The following PCDHGA3 variants were observed in gnomAD, a reference collection of about 807,000 sequenced individuals.
PCDHGA3 encodes the protein protocadherin gamma-A3.
PCDHGA3 carries 40 observed loss-of-function variants against 58.5 expected under a neutral mutation model. The ratio of observed to expected loss-of-function variants is 0.68; its 90% CI spans 0.53 to 0.89. PCDHGA3 has a LOEUF of 0.89. PCDHGA3 is among the 40% of genes least tolerant of loss of function. PCDHGA3 has a pLI of 0.00. For synonymous variants in PCDHGA3, 530 were observed against 525.7 expected (o/e 1.01, Z -0.11); for missense variants, 1,223 against 1,195.9 (o/e 1.02, Z -0.33).
At position 141,477,626 on chromosome 5, in the gene PCDHGA3, G is replaced by A. The variant is rs201987467; in HGVS notation, c.2425-17181G>A. The A allele has an allele frequency of 1.9e-5, 31 of 1,614,052 alleles. No individual in the cohort carries two copies. The highest frequency in any genetic ancestry group is 2.5e-5 in the Non-Finnish European group (30 of 1,180,044). Reference sequence around the variant, plus strand: ...TCTCTTGGAGCAAGGAGCTGAAACCGGGCTAGTGGGTCGCTATTTCACAAT... The same window carrying A: ...TCTCTTGGAGCAAGGAGCTGAAACCAGGCTAGTGGGTCGCTATTTCACAAT... On this transcript the variant is annotated intron_variant, in intron 1 of 3. Transcript: ENST00000253812. This position sits in a 1 kb window ranked among gnomAD's most constrained non-coding sequence, Gnocchi z 4.9.
intron 1 of PCDHGA3, among the ~76,000 whole-genome samples, chr5:141,396,908 C>G (rs987572785): frequency 1.3e-5 from 2 of 152,146 alleles, no homozygotes; most frequent in Admixed American, 6.5e-5. Context: ...TGGCACTTTG[C>G]AATTTTAAAA....
chr5:141,421,149 C>T (rs1030911066), intron 1 of PCDHGA3: 1 of 1,086,106 alleles, frequency 9.2e-7, no homozygotes, highest in Non-Finnish European at 1.3e-6. Context: ...ATGTAGTCGG[C>T]CTAGGACTTC....
intron 1 of PCDHGA3, chr5:141,403,391 G>GT (rs2154533404): frequency 1.2e-6 from 2 of 1,614,046 alleles, no homozygotes; most frequent in Admixed American, 3.3e-5. Flanking sequence ...CGAAATCGCG[G>GT]TTCCTGGAGC....
intron 1 of PCDHGA3, among the ~76,000 whole-genome samples, chr5:141,466,493 A>G (rs2099123402): frequency 6.6e-6 from 1 of 152,226 alleles, no homozygotes; most frequent in South Asian, 2.1e-4. Context: ...TTCTTTAATT[A>G]GAGCACAGAC....
intron 1 of PCDHGA3, among the ~76,000 whole-genome samples, chr5:141,425,427 A>G (rs925551543): frequency 2.2e-4 from 33 of 152,362 alleles, no homozygotes; most frequent in Non-Finnish European, 4.1e-4. Flanking sequence ...GTCCCATTAA[A>G]TAGAGGATAA....
chr5:141,419,945 T>C (rs2096451536), intron 1 of PCDHGA3: 4 of 1,614,088 alleles, frequency 2.5e-6, no homozygotes, highest in Middle Eastern at 1.6e-4. Context: ...GGTGGTGGCC[T>C]TGGCCTTGAT....
intron 1 of PCDHGA3, chr5:141,355,314 G>C: frequency 6.2e-7 from 1 of 1,613,954 alleles, no homozygotes; most frequent in Non-Finnish European, 8.5e-7. Context: ...TGTTTGAGGA[G>C]CAGGAAGAAG....
Position 141,490,705 on chromosome 5 carries a change from C to T in PCDHGA3, c.2425-4102C>T. 1 of 1,614,194 alleles carries T rather than the reference C, an allele frequency of 6.2e-7. No individual in the cohort carries two copies. Among genetic ancestry groups the T allele is most frequent in the South Asian group, 1.1e-5 (1 of 91,082 alleles). On this transcript the variant is annotated intron_variant, in intron 1 of 3. Coordinates refer to ENST00000253812, the MANE Select transcript of PCDHGA3 (RefSeq NM_018916.4). This position sits in a 1 kb window ranked among gnomAD's most constrained non-coding sequence, Gnocchi z 5.4. ...TCCAGACACTGGGGATAATGCCCGC[C>T]TCACCTACTCCATTGTAGGAAATCA...
At chr5:141,357,830 C>A in intron 1 of PCDHGA3, 1 of 667,688 alleles carries the variant, frequency 1.5e-6, no homozygotes, top group Non-Finnish European at 2.4e-6. Context: ...TTTTGGTCTT[C>A]ATTCAGTTGT....
chr5:141,372,307 C>T, intron 1 of PCDHGA3: 3 of 1,613,452 alleles, frequency 1.9e-6, no homozygotes, highest in Non-Finnish European at 2.5e-6. Context: ...AGGGAGGCCG[C>T]CCGCCAGCGC....
intron 1 of PCDHGA3, chr5:141,394,024 T>C (rs778553318): frequency 6.2e-7 from 1 of 1,613,530 alleles, no homozygotes; most frequent in Non-Finnish European, 8.5e-7. Flanking sequence ...TATTATAGAT[T>C]AGTGACAAGG....
rs144317211 is a variant in PCDHGA3 at position 141,432,088 on chromosome 5, A to G, written c.2425-62719A>G. On this transcript the variant is annotated intron_variant, in intron 1 of 3. Transcript: ENST00000253812. This position sits in a 1 kb window ranked among gnomAD's most constrained non-coding sequence, Gnocchi z 6.0. Reference sequence around the variant, plus strand: ...AAACTCATATCTCGCTGAACGTGGCAGACACCAACGACAACCCGCCGGTCT... The same window carrying G: ...AAACTCATATCTCGCTGAACGTGGCGGACACCAACGACAACCCGCCGGTCT... The G allele has an allele frequency of 6.2e-7, 1 of 1,614,148 alleles. No individual in the cohort carries two copies. Among genetic ancestry groups the G allele is most frequent in the South Asian group, 1.1e-5 (1 of 91,074 alleles).
intron 1 of PCDHGA3, chr5:141,414,379 A>G (rs2095740987): frequency 1.2e-6 from 2 of 1,613,912 alleles, no homozygotes; most frequent in African/African-American, 1.3e-5. Context: ...AGAAAAGTCC[A>G]TTGACAGTTA....
intron 1 of PCDHGA3, chr5:141,403,278 T>C (rs1254967384): frequency 1.2e-6 from 2 of 1,613,784 alleles, no homozygotes; most frequent in Non-Finnish European, 1.7e-6. Context: ...TTTAAAGTCC[T>C]GGTTGAAGAC....
At chr5:141,413,986 A>G (rs1464771336) in intron 1 of PCDHGA3, 1 of 1,613,554 alleles carries the variant, frequency 6.2e-7, no homozygotes, top group Admixed American at 1.7e-5. Flanking sequence ...AGTCACAGCC[A>G]CCGACAGGGA....
chr5:141,443,699 A>G (rs1433844997), intron 1 of PCDHGA3, among the ~76,000 whole-genome samples: 1 of 152,248 alleles, frequency 6.6e-6, no homozygotes, highest in African/African-American at 2.4e-5. Flanking sequence ...AAAATTATAG[A>G]ATAACATTTG....
At chr5:141,488,439 C>G (rs2099675441) in intron 1 of PCDHGA3, among the ~76,000 whole-genome samples, 1 of 152,206 alleles carries the variant, frequency 6.6e-6, no homozygotes, top group African/African-American at 2.4e-5. Context: ...TCTGACCACC[C>G]TCCTGGGTGA....
At chr5:141,351,692 G>A in intron 1 of PCDHGA3, 1 of 1,613,988 alleles carries the variant, frequency 6.2e-7, no homozygotes, top group South Asian at 1.1e-5. Flanking sequence ...CCCGGATTTG[G>A]GACCCAACGG....
rs751278055 is a variant in PCDHGA3, at chr5:141,375,013, G to A, written c.2424+28556G>A. ...CAACTTCTGCAAATCTAGACTATGAGGACTCGAGTTTTTATGAGCTGGGTG... is the reference window on the plus strand; with the variant it reads ...CAACTTCTGCAAATCTAGACTATGAAGACTCGAGTTTTTATGAGCTGGGTG... On this transcript the variant is annotated intron_variant, in intron 1 of 3. Transcript: ENST00000253812. 6.8e-6 allele frequency: 11 copies of A among 1,613,886 alleles called. No homozygotes were observed. In the African/African-American group the frequency reaches 1.3e-4, roughly 20 times the overall value.
Sources: gnomAD v4.1 joint callset for allele counts (sites outside exome capture counted in the v4.1 genomes callset) on GRCh38, gnomAD v4.1.1 for gene constraint, Gnocchi (gnomAD v3.1) non-coding constraint, MANE v1.5 for transcripts, NCBI Gene and HGNC (gene_info 2026-07-23, HGNC 2026-07-21) for gene names.